Variants in PGBD5 observed in about 807,000 individuals in gnomAD.
PGBD5 encodes piggyBac transposable element-derived protein 5.
A neutral mutation model predicts 47.9 loss-of-function variants in PGBD5; 14 were observed. The ratio of observed to expected loss-of-function variants is 0.29; its 90% CI spans 0.19 to 0.46. PGBD5 has a LOEUF of 0.46. Ranked by LOEUF, PGBD5 falls within the 20% of genes least tolerant of loss-of-function variation. The pLI is 1.00. For missense variants in PGBD5, 635 were observed against 716.0 expected, an observed-to-expected ratio of 0.89 and a Z score of 1.29; for synonymous variants, 316 against 306.3, an observed-to-expected ratio of 1.03 and a Z score of -0.33.
chr1:230,367,795 G>A (rs1041930074), intron 1 of PGBD5, among the ~76,000 whole-genome samples: 4 of 152,148 alleles, frequency 2.6e-5, no homozygotes, highest in African/African-American at 7.2e-5. Flanking sequence ...GGCATACTCC[G>A]TGGAGGCTCT....
At chr1:230,382,031 C>A (rs906584999) in intron 1 of PGBD5, among the ~76,000 whole-genome samples, 2 of 148,056 alleles carry the variant, frequency 1.4e-5, no homozygotes, top group Non-Finnish European at 2.9e-5. Context: ...CTTTCTCATG[C>A]AAAGTTTTAA....
intron 1 of PGBD5, among the ~76,000 whole-genome samples, chr1:230,359,354 G>T (rs1440649532): frequency 6.6e-6 from 1 of 152,122 alleles, no homozygotes; most frequent in African/African-American, 2.4e-5. Flanking sequence ...GTGAGCCACC[G>T]CGCCCGGCCT....
At chr1:230,367,401 G>C (rs1667853177) in intron 1 of PGBD5, among the ~76,000 whole-genome samples, 1 of 152,166 alleles carries the variant, frequency 6.6e-6, no homozygotes, top group African/African-American at 2.4e-5. Context: ...GGAGCAATCT[G>C]AGTGATAAAA....
intron 5 of PGBD5, among the ~76,000 whole-genome samples, chr1:230,329,309 G>T (rs1329582557): frequency 2.0e-5 from 3 of 152,014 alleles, no homozygotes; most frequent in Non-Finnish European, 4.4e-5. Context: ...CATACTCTGT[G>T]ACAAAAAGGT....
chr1:230,370,434 C>G (rs1174876943), intron 1 of PGBD5, among the ~76,000 whole-genome samples: 2 of 152,078 alleles, frequency 1.3e-5, no homozygotes, highest in African/African-American at 4.8e-5. Context: ...TAAATAGAAG[C>G]AAATCATGTG....
At chr1:230,329,578 C>G (rs1667181212) in intron 5 of PGBD5, among the ~76,000 whole-genome samples, 1 of 152,216 alleles carries the variant, frequency 6.6e-6, no homozygotes, top group Non-Finnish European at 1.5e-5. Context: ...GTGGCACAAT[C>G]TCGGCTCACT....
chr1:230,365,180 G>A lies in PGBD5; in HGVS notation c.332-7859C>T, dbSNP rs553367446. Among the ~76,000 whole-genome samples the A allele has an allele frequency of 5.0e-3, 752 of 150,098 alleles. 5 individuals carry two copies. The highest frequency in any genetic ancestry group is 0.018 in the African/African-American group (727 of 40,724). ...TACAAAAAATTAGCCAGGCGTGGTG[G>A]CGGGCACCTGTAGTCCCAGCTACTC... On this transcript the variant is annotated intron_variant, in intron 1 of 6. Coordinates refer to ENST00000391860, the MANE Select transcript of PGBD5 (RefSeq NM_001258311.2).
rs1172613336 is a variant in PGBD5 at position 230,426,320 on chromosome 1, G to C, written c.-392C>G. On this transcript the variant is annotated 5_prime_UTR_variant, in exon 1 of 7. Coordinates refer to ENST00000391860, the MANE Select transcript of PGBD5 (RefSeq NM_001258311.2). Reference sequence around the variant, plus strand: ...CTGCCCGCCCTCTCCACGGCCTCCGGCGCTCGGCTGCCGACCTTCCCGGGC... The same window carrying C: ...CTGCCCGCCCTCTCCACGGCCTCCGCCGCTCGGCTGCCGACCTTCCCGGGC... 6.7e-6 allele frequency: 1 copy of C among 148,884 alleles called. No homozygotes were observed. 9.2% of individuals were successfully genotyped at this position (148,884 alleles called of 1,614,324 possible). A position where few individuals can be genotyped will look rare whatever the true frequency, so the allele number is the denominator to read the frequency against.
rs1033952600 is a variant in PGBD5, at chr1:230,337,266, C to A, written c.917G>T (p.Gly306Val). ...CGCATCCAGGCCATCTGGGCCCCCA[C>A]CTTCCTTCAGGTGGACATAAATCTT... ...IIQIYVHLKE[G>V]GGPDGLDALK... The change falls in exon 4 of 7, where the codon GGT (glycine) becomes GTT (valine). Residue 306 changes from glycine to valine, a missense_variant. By Grantham distance (109) the Gly-to-Val change is moderately radical (BLOSUM62 -3). Coordinates refer to ENST00000391860, the MANE Select transcript of PGBD5 (RefSeq NM_001258311.2). 12 of 1,612,804 alleles carry A rather than the reference C, an allele frequency of 7.4e-6. No homozygotes were observed. Among genetic ancestry groups the A allele is most frequent in the Non-Finnish European group, 1.0e-5 (12 of 1,179,720 alleles).
At chr1:230,341,882 GCTC>G (rs1296900418) in intron 3 of PGBD5, among the ~76,000 whole-genome samples, 1 of 151,874 alleles carries the variant, frequency 6.6e-6, no homozygotes, top group Non-Finnish European at 1.5e-5. Context: ...AAGTTTTTTT[GCTC>G]CTATGATTTT....
At chr1:230,339,359 T>C (rs963954388) in intron 3 of PGBD5, among the ~76,000 whole-genome samples, 2 of 152,348 alleles carry the variant, frequency 1.3e-5, no homozygotes, top group Admixed American at 1.3e-4. Flanking sequence ...CTGTGCTGAT[T>C]TGGTATAAAT....
At chr1:230,336,542 C>T (rs1667327605) in intron 4 of PGBD5, among the ~76,000 whole-genome samples, 1 of 152,180 alleles carries the variant, frequency 6.6e-6, no homozygotes, top group Admixed American at 6.5e-5. Flanking sequence ...CCACAGGGCT[C>T]CCTGAACTGG....
chr1:230,417,332 C>T (rs1287885004), intron 1 of PGBD5, among the ~76,000 whole-genome samples: 1 of 152,216 alleles, frequency 6.6e-6, no homozygotes, highest in Non-Finnish European at 1.5e-5. Context: ...CCTAAGTACT[C>T]ATTTCTCAAC....
chr1:230,362,416 C>G, intron 1 of PGBD5: 2 of 1,340,324 alleles, frequency 1.5e-6, no homozygotes, highest in South Asian at 2.4e-5. Flanking sequence ...CCGGGGAAGC[C>G]TGTGTCAGAC....
intron 1 of PGBD5, among the ~76,000 whole-genome samples, chr1:230,396,373 C>G (rs1443909304): frequency 2.1e-5 from 3 of 143,158 alleles, no homozygotes; most frequent in African/African-American, 5.3e-5. Flanking sequence ...CCCTCCTCCC[C>G]CTTTGCTCCC....
intron 1 of PGBD5, among the ~76,000 whole-genome samples, chr1:230,363,977 CT>C (rs1667788251): frequency 6.6e-6 from 1 of 152,190 alleles, no homozygotes; most frequent in Non-Finnish European, 1.5e-5. Context: ...TCTCGCATCC[CT>C]TTTTCCTTCC....
intron 3 of PGBD5, among the ~76,000 whole-genome samples, chr1:230,346,140 C>G (rs1667470369): frequency 6.6e-6 from 1 of 152,122 alleles, no homozygotes; most frequent in Non-Finnish European, 1.5e-5. Flanking sequence ...CTCCCAGGCT[C>G]AAGGGAACCT....
intron 1 of PGBD5, among the ~76,000 whole-genome samples, chr1:230,367,784 C>T (rs1423217762): frequency 3.3e-5 from 5 of 152,166 alleles, no homozygotes; most frequent in Non-Finnish European, 7.3e-5. Context: ...AAAAACACTC[C>T]GGCATACTCC....
At chr1:230,329,139 T>A (rs2102813194) in intron 5 of PGBD5, among the ~76,000 whole-genome samples, 1 of 150,938 alleles carries the variant, frequency 6.6e-6, no homozygotes, top group East Asian at 1.9e-4. Context: ...GGAGGTGGTA[T>A]TTTTTGCATA....
Sources: gnomAD v4.1 joint callset for allele counts (sites outside exome capture counted in the v4.1 genomes callset) on GRCh38, gnomAD v4.1.1 for gene constraint, MANE v1.5 for transcripts, NCBI Gene and HGNC (gene_info 2026-07-23, HGNC 2026-07-21) for gene names.